HMBOX1: variants seen among roughly 807,000 people sequenced by gnomAD.
HMBOX1 encodes homeobox containing 1.
HMBOX1 carries 14 observed loss-of-function variants against 54.5 expected under a neutral mutation model. That is an observed-to-expected ratio of 0.26 (90% CI 0.17 to 0.40). The LOEUF (loss-of-function observed/expected upper bound fraction) is 0.40, where lower values mean the gene tolerates loss of function less well. HMBOX1 is among the 10% of genes least tolerant of loss of function. The pLI, the probability that HMBOX1 is intolerant of heterozygous loss-of-function variation, is 1.00. For missense variants in HMBOX1, 332 were observed against 514.4 expected, an observed-to-expected ratio of 0.65 and a Z score of 3.43; for synonymous variants, 160 against 181.0, an observed-to-expected ratio of 0.88 and a Z score of 0.93.
intron 9 of HMBOX1, chr8:29,049,427 G>GTT: frequency 6.6e-7 from 1 of 1,519,692 alleles, no homozygotes; most frequent in African/African-American, 1.4e-5. Context: ...CACACTCAGT[G>GTT]TTTGAGAAAT....
intron 6 of HMBOX1, among the ~76,000 whole-genome samples, chr8:29,042,161 G>A (rs1019544386): frequency 2.0e-5 from 3 of 152,046 alleles, no homozygotes; most frequent in African/African-American, 7.2e-5. Flanking sequence ...GAAGAAATAT[G>A]TATTATAAAA....
chr8:28,948,707 A>AT (rs1162213916), intron 1 of HMBOX1, among the ~76,000 whole-genome samples: 3 of 151,978 alleles, frequency 2.0e-5, no homozygotes, highest in Admixed American at 1.3e-4. Flanking sequence ...CTATGATCAG[A>AT]TTTTTTTTCA....
At chr8:28,960,827 G>A (rs1477160619) in intron 1 of HMBOX1, among the ~76,000 whole-genome samples, 1 of 118,286 alleles carries the variant, frequency 8.5e-6, no homozygotes, top group Non-Finnish European at 1.6e-5. Context: ...TTGCTCTGTC[G>A]CCAGGCTGGA....
At chr8:28,999,473 C>T (rs1301168942) in intron 4 of HMBOX1, among the ~76,000 whole-genome samples, 1 of 151,952 alleles carries the variant, frequency 6.6e-6, no homozygotes, top group Non-Finnish European at 1.5e-5. Flanking sequence ...TCAAAATATT[C>T]TTCACTTTTC....
chr8:29,001,793 T>G (rs1372121466), intron 4 of HMBOX1, among the ~76,000 whole-genome samples: 1 of 152,218 alleles, frequency 6.6e-6, no homozygotes, highest in Non-Finnish European at 1.5e-5. Flanking sequence ...GATAAGAGTT[T>G]AGGAATGGAA....
At chr8:28,898,103 A>G (rs909471579) in intron 1 of HMBOX1, among the ~76,000 whole-genome samples, 1 of 152,182 alleles carries the variant, frequency 6.6e-6, no homozygotes, top group African/African-American at 2.4e-5. Flanking sequence ...ATTATTACAG[A>G]CAACAACGGA....
chr8:29,049,657 G>C (rs1806145368), intron 9 of HMBOX1: 1 of 370,444 alleles, frequency 2.7e-6, no homozygotes, highest in Admixed American at 4.2e-5. Flanking sequence ...TGGGGAAAAT[G>C]TATTTAATTG....
chr8:28,970,928 CAA>C lies in HMBOX1; in HGVS notation c.500+410_500+411del, dbSNP rs1179075149. The stretch of plus-strand genomic sequence containing the variant: ...TAATTTTTCTGTTCAACATTCCAAT[CAA>C]GAAAATAATTTGGGGTACCTATTAT... On this transcript the variant is annotated intron_variant, in intron 3 of 9. Coordinates refer to ENST00000287701, the MANE Select transcript of HMBOX1 (RefSeq NM_001135726.3). The surrounding 1 kb of genome is among the most constrained non-coding windows in gnomAD (Gnocchi z 4.3). Among the ~76,000 whole-genome samples, 12 of 149,144 alleles carry C rather than the reference CAA, an allele frequency of 8.0e-5. No individual in the cohort carries two copies. Among genetic ancestry groups the C allele is most frequent in the Admixed American group, 7.4e-4 (11 of 14,858 alleles).
intron 1 of HMBOX1, among the ~76,000 whole-genome samples, chr8:28,916,931 G>A (rs1816671525): frequency 1.3e-5 from 2 of 151,946 alleles, no homozygotes; most frequent in Admixed American, 6.6e-5. Context: ...GCCAAACTTA[G>A]TGATGCATGC....
intron 6 of HMBOX1, among the ~76,000 whole-genome samples, chr8:29,039,428 A>G (rs1222708758): frequency 1.3e-5 from 2 of 152,246 alleles, no homozygotes; most frequent in African/African-American, 4.8e-5. Flanking sequence ...CACCAAATGT[A>G]CTTAGAGAAG....
At chr8:28,891,445 A>G (rs1042749274) in intron 1 of HMBOX1, 2 of 152,216 alleles carry the variant, frequency 1.3e-5, no homozygotes, top group Non-Finnish European at 2.9e-5. Flanking sequence ...TATTGGGGCT[A>G]CTTTGAAAGG....
At chr8:28,998,927 A>C (rs1340314923) in intron 4 of HMBOX1, among the ~76,000 whole-genome samples, 1 of 152,158 alleles carries the variant, frequency 6.6e-6, no homozygotes, top group South Asian at 2.1e-4. Context: ...TTTTTGTCTT[A>C]TAAATTACAT....
At chr8:28,973,846 G>T (rs527854404) in intron 3 of HMBOX1, among the ~76,000 whole-genome samples, 2 of 75,018 alleles carry the variant, frequency 2.7e-5, no homozygotes, top group African/African-American at 1.0e-4. Context: ...AGACAGTCTC[G>T]CTCTGTCACC....
intron 1 of HMBOX1, among the ~76,000 whole-genome samples, chr8:28,920,364 ATATTTGCTTATAAATTAAAACCC>A (rs1403441333): frequency 2.6e-4 from 39 of 152,132 alleles, no homozygotes; most frequent in Admixed American, 4.6e-4. Context: ...TAAGCCCTTC[ATATTTGCTTATAAATTAAAACCC>A]TAGGCAGTAT....
chr8:28,973,187 T>C (rs950423044), intron 3 of HMBOX1, among the ~76,000 whole-genome samples: 9 of 152,284 alleles, frequency 5.9e-5, no homozygotes, highest in African/African-American at 1.7e-4. Context: ...TTGGATCACA[T>C]TGTCACTTAT....
intron 1 of HMBOX1, among the ~76,000 whole-genome samples, chr8:28,932,268 T>C (rs1819607059): frequency 6.6e-6 from 1 of 152,204 alleles, no homozygotes; most frequent in Admixed American, 6.5e-5. Flanking sequence ...GTATAGATCA[T>C]GAGATGGAAT....
intron 1 of HMBOX1, among the ~76,000 whole-genome samples, chr8:28,913,785 C>T (rs1403681156): frequency 6.6e-6 from 1 of 151,128 alleles, no homozygotes. Context: ...CAAAGTCTCA[C>T]TCTGTCGCCC....
At chr8:28,937,494 T>C (rs1004833248) in intron 1 of HMBOX1, among the ~76,000 whole-genome samples, 11 of 152,206 alleles carry the variant, frequency 7.2e-5, no homozygotes, top group African/African-American at 2.4e-4. Context: ...GTCCTTTTTG[T>C]TTATGAAAAT....
Position 28,970,264 on chromosome 8 carries a change from C to A in HMBOX1, c.245C>A (p.Ser82Tyr), listed in dbSNP as rs1364921395. Reference sequence around the variant, plus strand: ...AATAGTACTAACAATGTCCCAGCATCTTCCTCTACAGCTACAGCTTCCACA... The same window carrying A: ...AATAGTACTAACAATGTCCCAGCATATTCCTCTACAGCTACAGCTTCCACA... ...YGNSTNNVPA[S>Y]SSTATASTQT... The change falls in exon 3 of 10, where the codon TCT (serine) becomes TAT (tyrosine). Residue 82 changes from serine to tyrosine, a missense_variant. Around this residue, in one of 4 missense-constraint regions of HMBOX1, gnomAD observed 146 missense variants for 173.3 expected, o/e 0.84. Transcript: ENST00000287701. The surrounding 1 kb of genome is among the most constrained non-coding windows in gnomAD (Gnocchi z 4.3). The A allele has an allele frequency of 6.2e-7, 1 of 1,614,194 alleles. No homozygotes were observed. Among genetic ancestry groups the A allele is most frequent in the East Asian group, 2.2e-5 (1 of 44,880 alleles).
Sources: allele counts gnomAD v4.1 joint callset (sites outside exome capture counted in the v4.1 genomes callset), GRCh38; gene constraint gnomAD v4.1.1; regional missense constraint gnomAD v4.1.1; non-coding constraint Gnocchi (gnomAD v3.1); transcripts MANE v1.5; gene names NCBI Gene and HGNC (gene_info 2026-07-23, HGNC 2026-07-21).